Variants in HECW2 observed in about 807,000 individuals in gnomAD.
The protein encoded by HECW2 is E3 ubiquitin-protein ligase HECW2.
A neutral mutation model predicts 175.2 loss-of-function variants in HECW2; 61 were observed. The ratio of observed to expected loss-of-function variants is 0.35; its 90% CI spans 0.28 to 0.43. The LOEUF is 0.43. Among genes scored for constraint, HECW2 ranks in the 20% least tolerant of loss-of-function variants. The probability of loss-of-function intolerance (pLI) is 1.00; values close to 1 mark genes in which losing one functional copy is unlikely to be tolerated. For synonymous variants in HECW2, 671 were observed against 731.0 expected, an observed-to-expected ratio of 0.92 and a Z score of 1.32; for missense variants, 1,524 against 2,000.5, an observed-to-expected ratio of 0.76 and a Z score of 4.54.
chr2:196,395,101 C>T (rs574731921), intron 2 of HECW2, among the ~76,000 whole-genome samples: 1 of 152,180 alleles, frequency 6.6e-6, no homozygotes, highest in South Asian at 2.1e-4. Context: ...CTCAAAGGCC[C>T]CAACTCCTAC....
chr2:196,478,503 T>C (rs1442825453), intron 1 of HECW2, among the ~76,000 whole-genome samples: 3 of 152,160 alleles, frequency 2.0e-5, no homozygotes, highest in South Asian at 4.1e-4. Flanking sequence ...CTGTTACTTA[T>C]ACCCAACAAA....
At chr2:196,318,309 C>T (rs1161201786) in intron 9 of HECW2, among the ~76,000 whole-genome samples, 1 of 152,192 alleles carries the variant, frequency 6.6e-6, no homozygotes, top group Admixed American at 6.5e-5. Flanking sequence ...AAGGTCTCCC[C>T]GCTCAGAAAC....
At chr2:196,462,154 T>A (rs947722640) in intron 1 of HECW2, among the ~76,000 whole-genome samples, 1 of 152,100 alleles carries the variant, frequency 6.6e-6, no homozygotes, top group African/African-American at 2.4e-5. Context: ...AAAAATTTTA[T>A]AAAGGCAAAA....
At chr2:196,289,559 T>C (rs935497044) in intron 14 of HECW2, 2 of 151,834 alleles carry the variant, frequency 1.3e-5, no homozygotes, top group African/African-American at 2.4e-5. Flanking sequence ...CTCCGAGGAG[T>C]TGGAGATCAC....
At chr2:196,246,592 A>T (rs1247845849) in intron 19 of HECW2, among the ~76,000 whole-genome samples, 2 of 151,784 alleles carry the variant, frequency 1.3e-5, no homozygotes, top group African/African-American at 2.4e-5. Flanking sequence ...GGGTTTCACC[A>T]TGTTAGCCAG....
intron 17 of HECW2, among the ~76,000 whole-genome samples, chr2:196,264,597 G>C (rs1163861012): frequency 6.6e-6 from 1 of 152,182 alleles, no homozygotes; most frequent in Non-Finnish European, 1.5e-5. Flanking sequence ...AAATATCTGA[G>C]AGTGATACTA....
chr2:196,577,721 T>C (rs1386293853), intron 1 of HECW2, among the ~76,000 whole-genome samples: 3 of 152,176 alleles, frequency 2.0e-5, no homozygotes, highest in African/African-American at 7.2e-5. Context: ...CACAGAGCTC[T>C]CAGCAATGAC....
At chr2:196,483,976 T>C (rs368915565) in intron 1 of HECW2, among the ~76,000 whole-genome samples, 3 of 152,290 alleles carry the variant, frequency 2.0e-5, no homozygotes, top group Non-Finnish European at 2.9e-5. Flanking sequence ...CAGTGATGTA[T>C]GTATGGTTAA....
chr2:196,202,381 C>T (rs2105757053), intron 28 of HECW2, among the ~76,000 whole-genome samples: 1 of 152,040 alleles, frequency 6.6e-6, no homozygotes, highest in African/African-American at 2.4e-5. Flanking sequence ...GTGGGAAGAC[C>T]AGAGATTTGC....
chr2:196,259,435 G>A (rs1689196503), intron 17 of HECW2, among the ~76,000 whole-genome samples: 1 of 152,176 alleles, frequency 6.6e-6, no homozygotes, highest in Admixed American at 6.5e-5. Context: ...CAGCTTATGA[G>A]GTATGACAAA....
chr2:196,255,603 A>C (rs1689025648), intron 18 of HECW2, among the ~76,000 whole-genome samples: 1 of 152,206 alleles, frequency 6.6e-6, no homozygotes, highest in Non-Finnish European at 1.5e-5. Flanking sequence ...CTAGAGCAAC[A>C]CTATCTCTAC....
At chr2:196,281,561 G>C (rs1235787132) in intron 14 of HECW2, among the ~76,000 whole-genome samples, 1 of 143,760 alleles carries the variant, frequency 7.0e-6, no homozygotes, top group African/African-American at 2.5e-5. Flanking sequence ...GATCATTTGA[G>C]CCTGGGAGGT....
chr2:196,258,256 T>C (rs1236431311), intron 17 of HECW2, among the ~76,000 whole-genome samples: 2 of 152,226 alleles, frequency 1.3e-5, no homozygotes, highest in Non-Finnish European at 2.9e-5. Flanking sequence ...TTTAGCGATA[T>C]AGTCTTACGC....
At chr2:196,208,142 G>A (rs554007707) in intron 28 of HECW2, among the ~76,000 whole-genome samples, 32 of 152,364 alleles carry the variant, frequency 2.1e-4, no homozygotes, top group Non-Finnish European at 1.6e-4. Context: ...AGCCCTGAAG[G>A]CTAGATATTA....
chr2:196,302,666 T>C (rs1482303829), intron 13 of HECW2, among the ~76,000 whole-genome samples: 1 of 152,216 alleles, frequency 6.6e-6, no homozygotes, highest in Non-Finnish European at 1.5e-5. Context: ...AGGTATTTTA[T>C]CCTTTTTGTA....
At chr2:196,325,269 G>T in intron 5 of HECW2, 120 bp from the exon 6 acceptor site, 2 of 577,458 alleles carry the variant, frequency 3.5e-6, no homozygotes, top group Non-Finnish European at 5.6e-6. Context: ...GTCCTGATTA[G>T]AACAAGCAGC....
intron 1 of HECW2, among the ~76,000 whole-genome samples, chr2:196,536,793 G>A (rs930896781): frequency 1.2e-4 from 18 of 152,250 alleles, no homozygotes; most frequent in Admixed American, 9.8e-4. Context: ...TACTCAAACT[G>A]AGCATCAATA....
rs144408096 is a variant in HECW2 at position 196,446,362 on chromosome 2, G to A, written c.-35-12904C>T. On this transcript the variant is annotated intron_variant, in intron 1 of 28. Transcript: ENST00000644978. Reference sequence around the variant, plus strand: ...CCAACACTACCTACCCCCTTTTCCTGCTTTATTTTTCTCCTGCAGCACTTT... The same window carrying A: ...CCAACACTACCTACCCCCTTTTCCTACTTTATTTTTCTCCTGCAGCACTTT... 1.1e-3 allele frequency among the ~76,000 whole-genome samples: 168 copies of A among 152,178 alleles called. 3 individuals are homozygous for A. In the East Asian group the frequency reaches 0.022, roughly 20 times the overall value.
intron 2 of HECW2, among the ~76,000 whole-genome samples, chr2:196,388,993 C>T (rs984359252): frequency 6.6e-6 from 1 of 152,156 alleles, no homozygotes; most frequent in Non-Finnish European, 1.5e-5. Flanking sequence ...TAAGTCTCTA[C>T]AGGATAGCCT....
Sources: allele counts gnomAD v4.1 joint callset (sites outside exome capture counted in the v4.1 genomes callset), GRCh38; gene constraint gnomAD v4.1.1; transcripts MANE v1.5; gene names NCBI Gene and HGNC (gene_info 2026-07-23, HGNC 2026-07-21).